Variants in TBC1D32 observed in about 807,000 individuals in gnomAD.
The protein encoded by TBC1D32 is TBC1 domain family member 32, also known as protein broad-minded.
In TBC1D32, 151 loss-of-function variants were observed where a neutral mutation model predicts 170.3. The ratio of observed to expected loss-of-function variants is 0.89; its 90% CI spans 0.78 to 1.01. The LOEUF (loss-of-function observed/expected upper bound fraction) is 1.01. Ranked by LOEUF, TBC1D32 falls within the 50% of genes least tolerant of loss-of-function variation. TBC1D32 has a pLI of 0.00. For missense variants in TBC1D32, 1,464 were observed against 1,457.1 expected, an observed-to-expected ratio of 1.00 and a Z score of -0.08; for synonymous variants, 498 against 488.0, an observed-to-expected ratio of 1.02 and a Z score of -0.27.
chr6:121,118,086 C>CAATG (rs1434933795), intron 26 of TBC1D32, among the ~76,000 whole-genome samples: 2 of 151,966 alleles, frequency 1.3e-5, no homozygotes, highest in South Asian at 2.1e-4. Flanking sequence ...ACTTAATAAA[C>CAATG]AATGAATGAA....
Position 121,323,282 on chromosome 6 carries a change from C to A in TBC1D32, c.156-1488G>T, listed in dbSNP as rs193004530. Among the ~76,000 whole-genome samples, 4 of 145,466 alleles carry A rather than the reference C, an allele frequency of 2.7e-5. No individual in the cohort carries two copies. In the South Asian group the frequency reaches 7.1e-4, roughly 26 times the overall value. Reference sequence around the variant, plus strand: ...ATCACTTCAGAGATTACTGCAGCAGCCTTCTTGTTTAACTTCTCACTTCCC... The same window carrying A: ...ATCACTTCAGAGATTACTGCAGCAGACTTCTTGTTTAACTTCTCACTTCCC... On this transcript the variant is annotated intron_variant, in intron 1 of 31. Transcript: ENST00000398212.
chr6:121,294,169 C>A (rs1332552993), intron 11 of TBC1D32, among the ~76,000 whole-genome samples: 1 of 152,022 alleles, frequency 6.6e-6, no homozygotes, highest in Non-Finnish European at 1.5e-5. Flanking sequence ...CGGGGTGACA[C>A]AGGGTGTTCA....
chr6:121,182,058 CAAA>C, intron 22 of TBC1D32, among the ~76,000 whole-genome samples: 1 of 151,726 alleles, frequency 6.6e-6, no homozygotes, highest in Non-Finnish European at 1.5e-5. Context: ...TGTAAAAACC[CAAA>C]AATATATACA....
chr6:121,271,514 T>A (rs1462290291), intron 15 of TBC1D32, among the ~76,000 whole-genome samples: 1 of 152,118 alleles, frequency 6.6e-6, no homozygotes, highest in African/African-American at 2.4e-5. Flanking sequence ...CCATTCACAA[T>A]TGCTTCAAAG....
chr6:121,108,827 C>T lies in TBC1D32; in HGVS notation c.3325-2664G>A, dbSNP rs1349288498. ...ACTCTCCAATTCAAATGGATTCAGT[C>T]TAGTCTGGTCCAGTCTAGTCCTCCA... On this transcript the variant is annotated intron_variant, in intron 29 of 31. Transcript: ENST00000398212. 2.6e-5 allele frequency among the ~76,000 whole-genome samples: 4 copies of T among 152,236 alleles called. No homozygotes were observed. The East Asian group carries it at 5.8e-4, about 22-fold the overall frequency.
chr6:121,149,470 G>A (rs929733815), intron 24 of TBC1D32, among the ~76,000 whole-genome samples: 2 of 151,874 alleles, frequency 1.3e-5, no homozygotes. Flanking sequence ...TCATTTTTTG[G>A]CATATGGGGT....
chr6:121,121,064 A>C (rs1352167606), intron 26 of TBC1D32, among the ~76,000 whole-genome samples: 1 of 152,022 alleles, frequency 6.6e-6, no homozygotes, highest in African/African-American at 2.4e-5. Context: ...TATATAATTA[A>C]ATCTCATATT....
At chr6:121,318,776 AGT>A (rs1389190461) in intron 2 of TBC1D32, among the ~76,000 whole-genome samples, 1 of 151,216 alleles carries the variant, frequency 6.6e-6, no homozygotes, top group Admixed American at 6.6e-5. Flanking sequence ...ATACATGTAT[AGT>A]GTGTGTGTAT....
At chr6:121,098,884 G>C (rs1291791168) in intron 30 of TBC1D32, among the ~76,000 whole-genome samples, 1 of 151,742 alleles carries the variant, frequency 6.6e-6, no homozygotes, top group Non-Finnish European at 1.5e-5. Context: ...TCATCTCAAG[G>C]CGCAACATCC....
At chr6:121,227,737 G>GTCCA (rs1450595339) in intron 20 of TBC1D32, among the ~76,000 whole-genome samples, 3 of 151,910 alleles carry the variant, frequency 2.0e-5, no homozygotes, top group African/African-American at 7.3e-5. Context: ...AAAACATTCT[G>GTCCA]TCCATATTCA....
intron 22 of TBC1D32, chr6:121,170,555 A>G: frequency 2.1e-6 from 3 of 1,457,002 alleles, no homozygotes; most frequent in Non-Finnish European, 2.7e-6. Context: ...ATAAACGTAG[A>G]TTGTGTAAAA....
chr6:121,255,418 A>AG lies in TBC1D32; in HGVS notation c.1936-9_1936-8insC. The AG allele has an allele frequency of 7.0e-7, 1 of 1,424,588 alleles. No homozygotes were observed. The highest frequency in any genetic ancestry group is 9.5e-7 in the Non-Finnish European group (1 of 1,057,688). The allele number at this position is 1,424,588 out of a possible 1,614,324, so 88.2% of individuals were successfully genotyped here. On this transcript the variant is annotated splice_polypyrimidine_tract_variant and intron_variant, in intron 16 of 31. Transcript: ENST00000398212. ...TTCTGATAGCAAACTTGTCTAAAAA[A>AG]TAGTAGAATAATTTATATTGCTTAC...
chr6:121,129,866 T>C (rs959899258), intron 25 of TBC1D32: 3 of 436,732 alleles, frequency 6.9e-6, no homozygotes, highest in Admixed American at 2.7e-5. Flanking sequence ...AGGAAGAACA[T>C]ACTTCATTTT....
chr6:121,132,141 A>G (rs1230168033), intron 24 of TBC1D32, among the ~76,000 whole-genome samples: 1 of 151,978 alleles, frequency 6.6e-6, no homozygotes, highest in Non-Finnish European at 1.5e-5. Context: ...ACAATTTTTT[A>G]TTCACTTCTT....
rs1302758708 is a variant in TBC1D32 at position 121,303,767 on chromosome 6, A to G, written c.936-6T>C. On this transcript the variant is annotated splice_region_variant and splice_polypyrimidine_tract_variant and intron_variant, in intron 8 of 31. Transcript: ENST00000398212. The stretch of plus-strand genomic sequence containing the variant: ...CCACAATTTCTTCCATATACCTTAA[A>G]GTTTGGGAAAAAAGAAATACAATTA... The G allele has an allele frequency of 6.6e-7, 1 of 1,512,354 alleles. No individual in the cohort carries two copies. The highest frequency in any genetic ancestry group is 9.0e-7 in the Non-Finnish European group (1 of 1,116,750). The allele number at this position is 1,512,354 out of a possible 1,614,324, so 93.7% of individuals were successfully genotyped here.
chr6:121,231,521 A>G (rs1354938960), intron 20 of TBC1D32, among the ~76,000 whole-genome samples: 1 of 152,162 alleles, frequency 6.6e-6, no homozygotes, highest in Non-Finnish European at 1.5e-5. Flanking sequence ...TGGTTATACT[A>G]GTTTACATTC....
intron 23 of TBC1D32, 40 bp downstream of exon 23, chr6:121,160,908 T>A: frequency 6.5e-7 from 1 of 1,528,732 alleles, no homozygotes; most frequent in South Asian, 1.1e-5. Context: ...TCAAAATATG[T>A]CAGAAAAACA....
chr6:121,175,618 C>T (rs923313321), intron 22 of TBC1D32, among the ~76,000 whole-genome samples: 30 of 152,092 alleles, frequency 2.0e-4, no homozygotes, highest in African/African-American at 6.3e-4. Context: ...TGCTTAAAAG[C>T]TCTTTGATTT....
chr6:121,314,678 G>A (rs746811058), intron 3 of TBC1D32, among the ~76,000 whole-genome samples: 1 of 152,188 alleles, frequency 6.6e-6, no homozygotes, highest in Non-Finnish European at 1.5e-5. Flanking sequence ...TGCGGAGGAA[G>A]AGAAAGACAG....
Sources: allele counts gnomAD v4.1 joint callset (sites outside exome capture counted in the v4.1 genomes callset), GRCh38; gene constraint gnomAD v4.1.1; transcripts MANE v1.5; gene names NCBI Gene and HGNC (gene_info 2026-07-23, HGNC 2026-07-21).